The following SH3BP4 variants were observed in gnomAD, a reference collection of about 807,000 sequenced individuals.
SH3BP4 encodes SH3 domain-binding protein 4.
SH3BP4 carries 33 observed loss-of-function variants against 65.5 expected under a neutral mutation model. That is an observed-to-expected ratio of 0.50 (90% CI 0.38 to 0.67). The LOEUF (loss-of-function observed/expected upper bound fraction) is 0.67, where lower values mean the gene tolerates loss of function less well. Ranked by LOEUF, SH3BP4 falls within the 30% of genes least tolerant of loss-of-function variation. The probability of loss-of-function intolerance (pLI) is 0.00; values close to 1 mark genes in which losing one functional copy is unlikely to be tolerated. For missense variants in SH3BP4, 1,134 were observed against 1,261.4 expected, an observed-to-expected ratio of 0.90 and a Z score of 1.53; for synonymous variants, 552 against 545.5, an observed-to-expected ratio of 1.01 and a Z score of -0.17.
chr2:235,040,614 G>A (rs1472286143), intron 3 of SH3BP4, among the ~76,000 whole-genome samples: 1 of 151,706 alleles, frequency 6.6e-6, no homozygotes, highest in African/African-American at 2.4e-5. Context: ...ATATTCCATT[G>A]CACTGATTTG....
intron 2 of SH3BP4, among the ~76,000 whole-genome samples, chr2:235,025,321 G>A (rs1469523351): frequency 6.6e-6 from 1 of 152,140 alleles, no homozygotes; most frequent in African/African-American, 2.4e-5. Context: ...AGGTGTCTGC[G>A]GACTTCCAGT....
rs1465508906 is a variant in SH3BP4, at chr2:235,053,828, C to A, written c.*12C>A. ...ACTTCGTGATTTGAATGGGTCCCCT[C>A]CCCTCCTGCTGCTCTGGAGTGCAAG... On this transcript the variant is annotated 3_prime_UTR_variant, in exon 6 of 6. Coordinates refer to ENST00000392011, the MANE Select transcript of SH3BP4 (RefSeq NM_014521.3). 2 of 1,601,150 alleles carry A rather than the reference C, an allele frequency of 1.2e-6. No homozygotes were observed. Among genetic ancestry groups the A allele is most frequent in the African/African-American group, 2.7e-5 (2 of 74,784 alleles).
At chr2:235,016,063 G>A (rs1694676545) in intron 2 of SH3BP4, among the ~76,000 whole-genome samples, 1 of 149,154 alleles carries the variant, frequency 6.7e-6, no homozygotes, top group African/African-American at 2.5e-5. Context: ...ATAGTTCTGG[G>A]AGAGTTGCTT....
rs1574837259 is a variant in SH3BP4 at position 235,034,333 on chromosome 2, G to T, written c.-132-538G>T. Among the ~76,000 whole-genome samples, 2 of 152,160 alleles carry T rather than the reference G, an allele frequency of 1.3e-5. No individual in the cohort carries two copies. The highest frequency in any genetic ancestry group is 4.8e-5 in the African/African-American group (2 of 41,436). On this transcript the variant is annotated intron_variant, in intron 2 of 5. Transcript: ENST00000392011. The surrounding 1 kb of genome is among the most constrained non-coding windows in gnomAD (Gnocchi z 6.2). ...TTGTGTTTAGAATTGTTTATTTGGGGTGCAGGGGGATTTCAGGAGCGGATT... is the reference window on the plus strand; with the variant it reads ...TTGTGTTTAGAATTGTTTATTTGGGTTGCAGGGGGATTTCAGGAGCGGATT...
chr2:234,952,321 G>C lies in SH3BP4; in HGVS notation c.-207+151G>C, dbSNP rs1234948247. ...GCCACCGCCGCCTGAGTTCGGGGCT[G>C]CGCGGGTGCCTGGGCGTGGGGCGGC... On this transcript the variant is annotated intron_variant, in intron 1 of 5. Transcript: ENST00000392011. This position sits in a 1 kb window ranked among gnomAD's most constrained non-coding sequence, Gnocchi z 6.5. Among the ~76,000 whole-genome samples, 1 of 150,588 alleles carries C rather than the reference G, an allele frequency of 6.6e-6. No individual in the cohort carries two copies. The highest frequency in any genetic ancestry group is 1.5e-5 in the Non-Finnish European group (1 of 67,456).
intron 3 of SH3BP4, among the ~76,000 whole-genome samples, chr2:235,039,160 C>T (rs551587609): frequency 6.6e-6 from 1 of 152,290 alleles, no homozygotes; most frequent in Non-Finnish European, 1.5e-5. Flanking sequence ...TTCTCTGAGA[C>T]ACCCAGATAG....
At position 234,967,565 on chromosome 2, in the gene SH3BP4, A is replaced by G. The variant is rs1336784709; in HGVS notation, c.-207+15395A>G. The stretch of plus-strand genomic sequence containing the variant: ...TTCTGCAGCAGCCTTGCACTTCCCT[A>G]AGTGGTATTGGAGCTGCGCTCATTG... On this transcript the variant is annotated intron_variant, in intron 1 of 5. Transcript: ENST00000392011. This position sits in a 1 kb window ranked among gnomAD's most constrained non-coding sequence, Gnocchi z 4.6. Among the ~76,000 whole-genome samples, 2 of 152,116 alleles carry G rather than the reference A, an allele frequency of 1.3e-5. No individual in the cohort carries two copies. The highest frequency in any genetic ancestry group is 2.9e-5 in the Non-Finnish European group (2 of 68,014).
At position 235,052,196 on chromosome 2, in the gene SH3BP4, G is replaced by A. The variant is rs1272092674; in HGVS notation, c.2479-366G>A. ...GTCTTCACACGGCCTTCTTCTCTCTGCCTCTCTGTCTGCTTTCTCTTCTTA... is the reference window on the plus strand; with the variant it reads ...GTCTTCACACGGCCTTCTTCTCTCTACCTCTCTGTCTGCTTTCTCTTCTTA... On this transcript the variant is annotated intron_variant, in intron 4 of 5. Transcript: ENST00000392011. This position sits in a 1 kb window ranked among gnomAD's most constrained non-coding sequence, Gnocchi z 5.0. Among the ~76,000 whole-genome samples, 2 of 113,830 alleles carry A rather than the reference G, an allele frequency of 1.8e-5. No individual in the cohort carries two copies. Among genetic ancestry groups the A allele is most frequent in the Non-Finnish European group, 3.7e-5 (2 of 53,404 alleles). 74.7% of individuals were successfully genotyped at this position (113,830 alleles called of 152,430 possible). A position where few individuals can be genotyped will look rare whatever the true frequency, so the allele number is the denominator to read the frequency against.
intron 1 of SH3BP4, among the ~76,000 whole-genome samples, chr2:234,988,952 G>A (rs1430405639): frequency 6.6e-6 from 1 of 152,182 alleles, no homozygotes; most frequent in Non-Finnish European, 1.5e-5. Context: ...ACATCCATCA[G>A]GTGAGATTTC....
At chr2:234,994,852 G>C (rs1693862399) in intron 1 of SH3BP4, 1 of 152,378 alleles carries the variant, frequency 6.6e-6, no homozygotes, top group Non-Finnish European at 1.5e-5. Flanking sequence ...CACAGCAGCA[G>C]GGGAAGAGGA....
At position 235,053,930 on chromosome 2, in the gene SH3BP4, A is replaced by C; in HGVS notation, c.*114A>C. The C allele has an allele frequency of 1.3e-6, 1 of 798,480 alleles. No individual in the cohort carries two copies. 49.5% of individuals were successfully genotyped at this position (798,480 alleles called of 1,614,324 possible). A position where few individuals can be genotyped will look rare whatever the true frequency, so the allele number is the denominator to read the frequency against. On this transcript the variant is annotated 3_prime_UTR_variant, in exon 6 of 6. Transcript: ENST00000392011. The stretch of plus-strand genomic sequence containing the variant: ...AAGGGGCGGCTGCTCAGACAGATTT[A>C]GGGCCCGCCAGCTAGGCTACACCCA...
chr2:234,972,614 C>T (rs1338915646), intron 1 of SH3BP4, among the ~76,000 whole-genome samples: 1 of 151,874 alleles, frequency 6.6e-6, no homozygotes, highest in South Asian at 2.1e-4. Context: ...GTAGTCCCAG[C>T]TACTGGGAAG....
At chr2:235,008,103 T>C (rs1694356746) in intron 2 of SH3BP4, among the ~76,000 whole-genome samples, 1 of 152,150 alleles carries the variant, frequency 6.6e-6, no homozygotes. Context: ...TGTGTGGCCT[T>C]CCTCTCCAGA....
intron 2 of SH3BP4, chr2:235,008,618 T>C (rs931617744): frequency 6.6e-6 from 1 of 152,192 alleles, no homozygotes; most frequent in Non-Finnish European, 1.5e-5. Context: ...GTCCTCTGGC[T>C]CTGGATCACT....
In SH3BP4 at chr2:235,042,239, G is replaced by A. The variant is rs34177695; in HGVS notation, c.1470G>A (p.Thr490=). ...GPKHIHPSFK[T]VVTIFGHDCA... ...AACACATCCACCCATCCTTCAAGAC[G>A]GTAGTGACCATTTTTGGGCATGACT... Residue 490 remains threonine, a synonymous_variant, in exon 4 of 6, where the codon ACG becomes ACA. Transcript: ENST00000392011. The surrounding 1 kb of genome is among the most constrained non-coding windows in gnomAD (Gnocchi z 7.3). 6.1e-3 allele frequency: 9,834 copies of A among 1,614,006 alleles called. 519 individuals carry two copies. The African/African-American group carries it at 0.12, about 19-fold the overall frequency.
intron 2 of SH3BP4, among the ~76,000 whole-genome samples, chr2:235,004,793 G>A (rs1403285723): frequency 6.6e-6 from 1 of 152,192 alleles, no homozygotes; most frequent in Admixed American, 6.5e-5. Context: ...GGACATTTGG[G>A]TCGTTGCCAC....
At chr2:235,040,542 T>A (rs2106332372) in intron 3 of SH3BP4, among the ~76,000 whole-genome samples, 1 of 151,240 alleles carries the variant, frequency 6.6e-6, no homozygotes, top group South Asian at 2.1e-4. Flanking sequence ...CTAGTAGCAG[T>A]TCTTTTAAGA....
At chr2:235,044,665 C>T (rs984591542) in intron 4 of SH3BP4, among the ~76,000 whole-genome samples, 3 of 152,258 alleles carry the variant, frequency 2.0e-5, no homozygotes, top group Non-Finnish European at 4.4e-5. Context: ...CTCCCCGGCT[C>T]CCCTGGATTG....
At chr2:235,006,049 T>A (rs867739479) in intron 2 of SH3BP4, among the ~76,000 whole-genome samples, 82 of 152,330 alleles carry the variant, frequency 5.4e-4, no homozygotes, top group African/African-American at 1.9e-3. Flanking sequence ...CAGCCACTAA[T>A]CCTGGGCAGG....
Sources: allele counts gnomAD v4.1 joint callset (sites outside exome capture counted in the v4.1 genomes callset), GRCh38; gene constraint gnomAD v4.1.1; non-coding constraint Gnocchi (gnomAD v3.1); transcripts MANE v1.5; gene names NCBI Gene and HGNC (gene_info 2026-07-23, HGNC 2026-07-21).